CAP2: variants seen among roughly 807,000 people sequenced by gnomAD.
CAP2 encodes the protein adenylyl cyclase-associated protein 2.
Under a neutral mutation model 57.7 loss-of-function variants are expected in CAP2, and 24 were observed. The observed-to-expected ratio is 0.42, with a 90% CI of 0.30 to 0.58. The LOEUF (loss-of-function observed/expected upper bound fraction) is 0.58. Among genes scored for constraint, CAP2 ranks in the 20% least tolerant of loss-of-function variants. The pLI is 0.22. For missense variants in CAP2, 501 were observed against 590.3 expected (o/e 0.85, Z 1.57); for synonymous variants, 194 against 207.2 (o/e 0.94, Z 0.55).
At chr6:17,480,952 ATTTTTTTTTT>A (rs59581120) in intron 4 of CAP2, among the ~76,000 whole-genome samples, 1 of 70,728 alleles carries the variant, frequency 1.4e-5, no homozygotes, top group African/African-American at 5.8e-5. Flanking sequence ...CTAATTTTGT[ATTTTTTTTTT>A]TTTTTTTTTT....
intron 1 of CAP2, among the ~76,000 whole-genome samples, chr6:17,408,127 T>C (rs568289425): frequency 1.1e-3 from 161 of 152,350 alleles, no homozygotes; most frequent in African/African-American, 3.6e-3. Flanking sequence ...CTATAAAGGA[T>C]ACCTGAGACT....
intron 6 of CAP2, among the ~76,000 whole-genome samples, chr6:17,508,270 T>A (rs896230055): frequency 6.6e-5 from 10 of 152,184 alleles, no homozygotes; most frequent in African/African-American, 2.2e-4. Flanking sequence ...TAGATGAGTC[T>A]AAACCAAGGG....
intron 7 of CAP2, chr6:17,531,067 G>C (rs1049158765): frequency 1.3e-6 from 1 of 777,384 alleles, no homozygotes; most frequent in Admixed American, 1.7e-5. Flanking sequence ...TAGATCTCAT[G>C]AATCAGATCC....
intron 1 of CAP2, among the ~76,000 whole-genome samples, chr6:17,407,644 T>A (rs1759017161): frequency 6.6e-6 from 1 of 151,812 alleles, no homozygotes; most frequent in Non-Finnish European, 1.5e-5. Context: ...CTGAGTGTGG[T>A]GATGCACGCC....
intron 11 of CAP2, among the ~76,000 whole-genome samples, chr6:17,550,113 A>G (rs1763135874): frequency 3.3e-5 from 5 of 152,140 alleles, no homozygotes; most frequent in African/African-American, 9.7e-5. Flanking sequence ...TCACACCTGT[A>G]ATCCCAGCAC....
At chr6:17,458,564 G>A (rs1760637908) in intron 3 of CAP2, among the ~76,000 whole-genome samples, 1 of 152,154 alleles carries the variant, frequency 6.6e-6, no homozygotes, top group South Asian at 2.1e-4. Flanking sequence ...TTAATACGAA[G>A]TGGTTTGACA....
chr6:17,448,426 G>A (rs1166294854), intron 3 of CAP2, among the ~76,000 whole-genome samples: 1 of 152,218 alleles, frequency 6.6e-6, no homozygotes, highest in Non-Finnish European at 1.5e-5. Context: ...ATTTGAAAAT[G>A]CAGTTTATTC....
In CAP2 at chr6:17,539,327, C is replaced by T; in HGVS notation, c.695C>T (p.Pro232Leu). The stretch of plus-strand genomic sequence containing the variant: ...GTCCTCTCCTCTGGGCCTGGCCTTC[C>T]TCCACCCCCTCCTCCTCTGCCTCCT... ...FSVLSSGPGL[P>L]PPPPPLPPPG... Residue 232 changes from proline (P) to leucine (L), a missense_variant, in exon 8 of 13, where the codon CCT (proline) becomes CTT (leucine). By Grantham distance (98) the Pro-to-Leu change is moderately conservative. Coordinates refer to ENST00000229922, the MANE Select transcript of CAP2 (RefSeq NM_006366.3). 1 of 1,614,056 alleles carries T rather than the reference C, an allele frequency of 6.2e-7. No individual in the cohort carries two copies. The highest frequency in any genetic ancestry group is 8.5e-7 in the Non-Finnish European group (1 of 1,179,914).
chr6:17,417,421 G>A (rs566928903), intron 1 of CAP2, among the ~76,000 whole-genome samples: 3 of 151,830 alleles, frequency 2.0e-5, no homozygotes, highest in South Asian at 4.2e-4. Context: ...GATTGTAGGC[G>A]TGTGCCACCA....
rs10546732 is a variant in CAP2 at position 17,471,830 on chromosome 6, C to CAA, written c.300+8771_300+8772dup. 2.0e-4 allele frequency among the ~76,000 whole-genome samples: 27 copies of CAA among 135,006 alleles called. No homozygotes were observed. The South Asian group carries it at 4.3e-3, about 22-fold the overall frequency. The allele number at this position is 135,006 out of a possible 152,430, so 88.6% of individuals were successfully genotyped here. A position where few individuals can be genotyped will look rare whatever the true frequency, so the allele number is the denominator to read the frequency against. On this transcript the variant is annotated intron_variant, in intron 4 of 12. Transcript: ENST00000229922. ...TGGGCAACAGAGCCAGACTCCGTCT[C>CAA]AAAAAAAAAAAAAAAGGTTTCATTC...
chr6:17,438,688 C>A (rs1402905418), intron 3 of CAP2, among the ~76,000 whole-genome samples: 2 of 148,718 alleles, frequency 1.3e-5, no homozygotes, highest in African/African-American at 2.5e-5. Flanking sequence ...ATCCGCCCAC[C>A]TCGGCCTCCC....
At chr6:17,467,534 GT>G (rs920712808) in intron 4 of CAP2, among the ~76,000 whole-genome samples, 16 of 152,092 alleles carry the variant, frequency 1.1e-4, no homozygotes, top group African/African-American at 3.9e-4. Context: ...ACGTTTGTTT[GT>G]TTTTTTGGGA....
chr6:17,458,383 A>G (rs1054525239), intron 3 of CAP2, among the ~76,000 whole-genome samples: 23 of 152,242 alleles, frequency 1.5e-4, no homozygotes, highest in Non-Finnish European at 8.8e-5. Context: ...TGATGATTGA[A>G]TTTGTGATTT....
At chr6:17,444,636 T>C (rs1465689797) in intron 3 of CAP2, among the ~76,000 whole-genome samples, 1 of 90,376 alleles carries the variant, frequency 1.1e-5, no homozygotes, top group East Asian at 5.1e-4. Context: ...CAAGACTCTG[T>C]CTCAAAAAAA....
At position 17,543,045 on chromosome 6, in the gene CAP2, T is replaced by A. The variant is rs767372510; in HGVS notation, c.1127-16T>A. 5.0e-6 allele frequency: 8 copies of A among 1,613,436 alleles called. No individual in the cohort carries two copies. The African/African-American group carries it at 9.3e-5, about 19-fold the overall frequency. On this transcript the variant is annotated splice_polypyrimidine_tract_variant and intron_variant, in intron 10 of 12. Coordinates refer to ENST00000229922, the MANE Select transcript of CAP2 (RefSeq NM_006366.3). ...TTAGTGGAGTTGGTTTTTTGTTGTG[T>A]TTTTTCTCCCCACAGACAACTGTAA...
At chr6:17,488,317 A>G (rs565620725) in intron 4 of CAP2, among the ~76,000 whole-genome samples, 1 of 151,898 alleles carries the variant, frequency 6.6e-6, no homozygotes, top group Non-Finnish European at 1.5e-5. Context: ...TCCCCTTCAG[A>G]TTTCTTCTCA....
chr6:17,415,155 C>T (rs181263091), intron 1 of CAP2, among the ~76,000 whole-genome samples: 83 of 152,278 alleles, frequency 5.5e-4, no homozygotes, highest in Admixed American at 9.2e-4. Context: ...CACTCACTAC[C>T]ATTATTTCTG....
chr6:17,394,555 C>G (rs1057346030), intron 1 of CAP2, among the ~76,000 whole-genome samples: 11 of 152,140 alleles, frequency 7.2e-5, no homozygotes, highest in Non-Finnish European at 1.0e-4. Context: ...GGGACTAGGT[C>G]CAAACAGCCA....
intron 4 of CAP2, among the ~76,000 whole-genome samples, chr6:17,487,563 G>A (rs1029720782): frequency 5.3e-5 from 8 of 152,114 alleles, no homozygotes; most frequent in Admixed American, 3.3e-4. Context: ...TCCGCCTCCC[G>A]GGTTCAAGCG....
Sources: allele counts gnomAD v4.1 joint callset (sites outside exome capture counted in the v4.1 genomes callset), GRCh38; gene constraint gnomAD v4.1.1; transcripts MANE v1.5; gene names NCBI Gene and HGNC (gene_info 2026-07-23, HGNC 2026-07-21).